The following L3MBTL2 variants were observed in gnomAD, a reference collection of about 807,000 sequenced individuals.
The protein encoded by L3MBTL2 is L3MBTL histone methyl-lysine binding protein 2.
L3MBTL2 carries 49 observed loss-of-function variants against 86.4 expected under a neutral mutation model. That is an observed-to-expected ratio of 0.57 (90% confidence interval 0.45 to 0.72). L3MBTL2 has a LOEUF of 0.72. L3MBTL2 is among the 30% of genes least tolerant of loss of function. The probability of loss-of-function intolerance (pLI) is 0.00; values close to 1 mark genes in which losing one functional copy is unlikely to be tolerated. For synonymous variants in L3MBTL2, 336 were observed against 350.6 expected (o/e 0.96, Z 0.47); for missense variants, 755 against 923.7 (o/e 0.82, Z 2.37).
At chr22:41,222,929 A>C (rs1048447376) in intron 8 of L3MBTL2, among the ~76,000 whole-genome samples, 2 of 152,174 alleles carry the variant, frequency 1.3e-5, no homozygotes, top group South Asian at 2.1e-4. Flanking sequence ...ATTTCAAAAA[A>C]AAAAACAAAA....
intron 4 of L3MBTL2, among the ~76,000 whole-genome samples, chr22:41,216,738 T>C (rs2031397048): frequency 1.3e-5 from 2 of 152,178 alleles, no homozygotes; most frequent in Admixed American, 1.3e-4. Flanking sequence ...CGGAGCTCAG[T>C]TGGAGGGGCC....
rs2030112011 is a variant in L3MBTL2 at position 41,205,342 on chromosome 22, G to A, written c.-21G>A. The A allele has an allele frequency of 6.2e-7, 1 of 1,614,018 alleles. No individual in the cohort carries two copies. ...AATATGGCTTCCTGCACCTGGTGAC[G>A]CTTGGCGAAACTGAGGTCTCATGGA... On this transcript the variant is annotated 5_prime_UTR_variant, in exon 1 of 17. Transcript: ENST00000216237.
In L3MBTL2 at chr22:41,227,467, C is replaced by A; in HGVS notation, c.1822+144C>A. ...ACTTTAAGTAGAGAGTGAGCCCCGT[C>A]ACCCAGCCCCTGCTCCTGACTTCTC... On this transcript the variant is annotated intron_variant, in intron 14 of 16. Coordinates refer to ENST00000216237, the MANE Select transcript of L3MBTL2 (RefSeq NM_031488.5). The surrounding 1 kb of genome is among the most constrained non-coding windows in gnomAD (Gnocchi z 6.0). The A allele has an allele frequency of 8.3e-7, 1 of 1,198,362 alleles. No individual in the cohort carries two copies. Among genetic ancestry groups the A allele is most frequent in the Non-Finnish European group, 1.2e-6 (1 of 828,520 alleles). The allele number at this position is 1,198,362 out of a possible 1,614,324, so 74.2% of individuals were successfully genotyped here.
chr22:41,226,525 A>T (rs2032194646), intron 12 of L3MBTL2, 137 bp from the exon 13 acceptor site: 5 of 699,062 alleles, frequency 7.2e-6, no homozygotes, highest in Non-Finnish European at 1.3e-5. Context: ...CCCTGAGGGG[A>T]TGAGAAGAAG....
At chr22:41,211,123 C>T (rs1412109948) in intron 2 of L3MBTL2, among the ~76,000 whole-genome samples, 1 of 152,174 alleles carries the variant, frequency 6.6e-6, no homozygotes, top group Admixed American at 6.6e-5. Context: ...TGTGTCAGGG[C>T]CTCCCATGTG....
Position 41,226,691 on chromosome 22 carries a change from A to G in L3MBTL2, c.1534A>G (p.Asn512Asp). Reference protein sequence around the residue: ...GYEAQTFNWENYLEKTKSKAA... With the variant: ...GYEAQTFNWEDYLEKTKSKAA... ...TGAGGCACAGACTTTCAACTGGGAG[A>G]ACTACTTGGAGAAGACCAAGTCGAA... Residue 512 changes from asparagine to aspartate, a missense_variant, in exon 13 of 17, where the codon AAC becomes GAC. Around this residue, in one of 3 missense-constraint regions of L3MBTL2, gnomAD observed 634 missense variants for 748.9 expected, o/e 0.85. Transcript: ENST00000216237. 6.2e-7 allele frequency: 1 copy of G among 1,613,914 alleles called. No homozygotes were observed. The highest frequency in any genetic ancestry group is 8.5e-7 in the Non-Finnish European group (1 of 1,179,836).
chr22:41,230,728 G>C lies in L3MBTL2; in HGVS notation c.*477G>C, dbSNP rs1469033440. 6.5e-6 allele frequency: 1 copy of C among 154,704 alleles called. No individual in the cohort carries two copies. Among genetic ancestry groups the C allele is most frequent in the Non-Finnish European group, 1.4e-5 (1 of 70,014 alleles). The allele number at this position is 154,704 out of a possible 1,614,324, so 9.6% of individuals were successfully genotyped here. A position where few individuals can be genotyped will look rare whatever the true frequency, so the allele number is the denominator to read the frequency against. On this transcript the variant is annotated 3_prime_UTR_variant, in exon 17 of 17. Transcript: ENST00000216237. ...TCCCCTGACAGTGAGTTGTGTGGTG[G>C]GGGCAGCCTCTGCCTCAAAAATTCA... is the stretch of plus-strand genomic sequence containing the variant.
At chr22:41,216,916 T>A in intron 4 of L3MBTL2, 1 of 513,966 alleles carries the variant, frequency 1.9e-6, no homozygotes, top group South Asian at 2.6e-5. Flanking sequence ...TCTTGCCACC[T>A]TTCAATTCAG....
At chr22:41,211,858 T>TAC (rs1248742036) in intron 2 of L3MBTL2, among the ~76,000 whole-genome samples, 3 of 48,906 alleles carry the variant, frequency 6.1e-5, no homozygotes, top group East Asian at 3.7e-4. Context: ...CACCCGGCCT[T>TAC]TTTTTTTTTT....
In L3MBTL2 at chr22:41,216,759, C is replaced by T. The variant is rs181409926; in HGVS notation, c.521-364C>T. Among the ~76,000 whole-genome samples the T allele has an allele frequency of 5.9e-5, 9 of 152,280 alleles. No individual in the cohort carries two copies. The East Asian group carries it at 1.7e-3, about 29-fold the overall frequency. On this transcript the variant is annotated intron_variant, in intron 4 of 16. Transcript: ENST00000216237. ...TCAGTTGGAGGGGCCCTGGTGTGTG[C>T]GCACCCCCTCCCCCACATTTAGATT...
At position 41,225,518 on chromosome 22, in the gene L3MBTL2, C is replaced by T. The variant is rs962519790; in HGVS notation, c.1357-276C>T. Among the ~76,000 whole-genome samples the T allele has an allele frequency of 6.6e-6, 1 of 152,176 alleles. No individual in the cohort carries two copies. The highest frequency in any genetic ancestry group is 2.4e-5 in the African/African-American group (1 of 41,440). Reference sequence around the variant, plus strand: ...TCCTCGCCGCGGATCCGCTCCATGCCGGGCGCGTGTGCTCACCCAAGAACA... The same window carrying T: ...TCCTCGCCGCGGATCCGCTCCATGCTGGGCGCGTGTGCTCACCCAAGAACA... On this transcript the variant is annotated intron_variant, in intron 11 of 16. Transcript: ENST00000216237. This position sits in a 1 kb window ranked among gnomAD's most constrained non-coding sequence, Gnocchi z 4.1.
chr22:41,212,077 G>A (rs2030913358), intron 2 of L3MBTL2, among the ~76,000 whole-genome samples: 1 of 150,010 alleles, frequency 6.7e-6, no homozygotes, highest in Admixed American at 6.7e-5. Context: ...TGTTAGCCAG[G>A]ATGGTCTCAA....
rs1940300360 is a variant in L3MBTL2, at chr22:41,230,985, A to C, written c.*734A>C. ...TGGGAGGAAGATGGCCTGAGTGTGC[A>C]CTTTGGCTCTGCTACCTGCTCCTGA... On this transcript the variant is annotated 3_prime_UTR_variant, in exon 17 of 17. Coordinates refer to ENST00000216237, the MANE Select transcript of L3MBTL2 (RefSeq NM_031488.5). The C allele has an allele frequency of 2.6e-5, 4 of 152,326 alleles. No homozygotes were observed. The South Asian group carries it at 6.2e-4, about 24-fold the overall frequency. 9.4% of individuals were successfully genotyped at this position (152,326 alleles called of 1,614,324 possible).
Position 41,213,974 on chromosome 22 carries a change from C to G in L3MBTL2, c.344C>G (p.Ser115Cys). The G allele has an allele frequency of 6.2e-7, 1 of 1,614,074 alleles. No individual in the cohort carries two copies. The highest frequency in any genetic ancestry group is 8.5e-7 in the Non-Finnish European group (1 of 1,179,942). Reference protein sequence around the residue: ...KTKRFCSVSCSRSYSSNSKKA... With the variant: ...KTKRFCSVSCCRSYSSNSKKA... ...AAGAGGTTCTGCAGCGTCTCCTGCT[C>G]CAGGAGCTACTCCTCCAACTCCAAG... is the stretch of plus-strand genomic sequence containing the variant. Residue 115 changes from serine (S) to cysteine (C), a missense_variant, in exon 3 of 17, where the codon TCC becomes TGC. Physicochemically the swap from Ser to Cys is moderately radical, Grantham distance 112. Coordinates refer to ENST00000216237, the MANE Select transcript of L3MBTL2 (RefSeq NM_031488.5).
chr22:41,227,053 G>T lies in L3MBTL2; in HGVS notation c.1588-36G>T. Reference sequence around the variant, plus strand: ...GGCAAGCCTGCTGGGGTAGGGAGCTGACTGGCTTGGCCACTGCCTCCTTTT... The same window carrying T: ...GGCAAGCCTGCTGGGGTAGGGAGCTTACTGGCTTGGCCACTGCCTCCTTTT... On this transcript the variant is annotated intron_variant, in intron 13 of 16. Coordinates refer to ENST00000216237, the MANE Select transcript of L3MBTL2 (RefSeq NM_031488.5). This position sits in a 1 kb window ranked among gnomAD's most constrained non-coding sequence, Gnocchi z 6.0. 1 of 1,554,730 alleles carries T rather than the reference G, an allele frequency of 6.4e-7. No individual in the cohort carries two copies. The highest frequency in any genetic ancestry group is 1.2e-5 in the South Asian group (1 of 85,838).
rs527566250 is a variant in L3MBTL2 at position 41,219,099 on chromosome 22, G to C, written c.601-320G>C. On this transcript the variant is annotated intron_variant, in intron 5 of 16. Transcript: ENST00000216237. ...TGCTCGGGCTGGCACAGGGACGAAG[G>C]GATCGAGGCTCACCAAGGCATCATG... is the stretch of plus-strand genomic sequence containing the variant. The C allele has an allele frequency of 7.0e-4, 176 of 252,780 alleles. No homozygotes were observed. The Middle Eastern group carries it at 0.016, about 23-fold the overall frequency. The allele number at this position is 252,780 out of a possible 1,614,324, so 15.7% of individuals were successfully genotyped here.
chr22:41,208,050 T>C (rs2030386634), intron 1 of L3MBTL2, among the ~76,000 whole-genome samples: 1 of 152,138 alleles, frequency 6.6e-6, no homozygotes, highest in South Asian at 2.1e-4. Flanking sequence ...CAGGATGGTC[T>C]TGAACTCCTG....
Position 41,227,817 on chromosome 22 carries a change from G to A in L3MBTL2, c.1836G>A (p.Pro612=), listed in dbSNP as rs371517606. The A allele has an allele frequency of 3.5e-5, 57 of 1,613,724 alleles. No homozygotes were observed. The highest frequency in any genetic ancestry group is 1.7e-4 in the Middle Eastern group (1 of 6,058). The change falls in exon 15 of 17, where the codon CCG becomes CCA. Residue 612 remains proline (P), a synonymous_variant. Coordinates refer to ENST00000216237, the MANE Select transcript of L3MBTL2 (RefSeq NM_031488.5). The surrounding 1 kb of genome is among the most constrained non-coding windows in gnomAD (Gnocchi z 6.0). The stretch of plus-strand genomic sequence containing the variant: ...TTTCAACAACAGAACCGGCCACACC[G>A]CTGAAGGCCAAAGAGGCCACAAAGA... ...QPPVAAEPAT[P]LKAKEATKKK... is the part of the protein sequence containing the mutation.
At chr22:41,211,072 T>C (rs2030740663) in intron 2 of L3MBTL2, among the ~76,000 whole-genome samples, 1 of 152,150 alleles carries the variant, frequency 6.6e-6, no homozygotes, top group Non-Finnish European at 1.5e-5. Context: ...TGGAAGCCAG[T>C]TGACTTTGGA....
Sources: allele counts gnomAD v4.1 joint callset (sites outside exome capture counted in the v4.1 genomes callset), GRCh38; gene constraint gnomAD v4.1.1; regional missense constraint gnomAD v4.1.1; non-coding constraint Gnocchi (gnomAD v3.1); transcripts MANE v1.5; gene names NCBI Gene and HGNC (gene_info 2026-07-23, HGNC 2026-07-21).